SHISA9: variants seen among roughly 807,000 people sequenced by gnomAD.
SHISA9 encodes shisa family member 9.
Under a neutral mutation model 38.0 loss-of-function variants are expected in SHISA9, and 13 were observed. The ratio of observed to expected loss-of-function variants is 0.34; its 90% confidence interval spans 0.22 to 0.54. The LOEUF (loss-of-function observed/expected upper bound fraction) is 0.54, where lower values mean the gene tolerates loss of function less well. Ranked by LOEUF, SHISA9 falls within the 20% of genes least tolerant of loss-of-function variation. The pLI, the probability that SHISA9 is intolerant of heterozygous loss-of-function variation, is 0.91. For missense variants in SHISA9, 538 were observed against 575.8 expected (o/e 0.93, Z 0.67); for synonymous variants, 275 against 242.0 (o/e 1.14, Z -1.27).
At chr16:13,437,438 T>G in the SHISA9 span, among the ~76,000 whole-genome samples, 2 of 152,100 alleles carry the variant, frequency 1.3e-5, no homozygotes, top group African/African-American at 4.8e-5. Context: ...AAAAAGACAT[T>G]ATCAATATTC....
the SHISA9 span, among the ~76,000 whole-genome samples, chr16:13,295,937 C>T: frequency 1.3e-5 from 2 of 152,124 alleles, no homozygotes; most frequent in Non-Finnish European, 2.9e-5. Context: ...GGCAAGTCCT[C>T]GTGGGACAAA....
downstream of SHISA9, among the ~76,000 whole-genome samples, chr16:13,240,943 G>A (rs538416298): frequency 6.6e-6 from 1 of 151,864 alleles, no homozygotes; most frequent in Admixed American, 6.6e-5. Context: ...AGAATACTGG[G>A]AGGGGGTGGG....
chr16:13,478,213 A>T, the SHISA9 span, among the ~76,000 whole-genome samples: 1 of 152,220 alleles, frequency 6.6e-6, no homozygotes, highest in South Asian at 2.1e-4. Flanking sequence ...CATAAAAGAG[A>T]TCCTGAGTCA....
In SHISA9 at chr16:12,968,189, CAAAAAAAAAAAAAAAAAAA is replaced by C. The variant is rs200194973; in HGVS notation, c.691+51393_691+51411del. 1.2e-4 allele frequency among the ~76,000 whole-genome samples: 10 copies of C among 82,050 alleles called. No individual in the cohort carries two copies. The South Asian group carries it at 2.9e-3, about 24-fold the overall frequency. 53.8% of individuals were successfully genotyped at this position (82,050 alleles called of 152,430 possible). On this transcript the variant is annotated intron_variant, in intron 2 of 4. Transcript: ENST00000558583. Reference sequence around the variant, plus strand: ...TGGGTGACAGAGGAAGGCTCCATCTCAAAAAAAAAAAAAAAAAAAAAAAAAAAAAAAAAAAAATCCAGAG... The same window carrying C: ...TGGGTGACAGAGGAAGGCTCCATCTCAAAAAAAAAAAAAAAAAATCCAGAG...
chr16:13,222,782 GTGTGTGTA>G (rs377697499), intron 4 of SHISA9, among the ~76,000 whole-genome samples: 37,162 of 128,894 alleles, frequency 0.29, 5,397 homozygotes, highest in East Asian at 0.51. Context: ...TCCACAAGGT[GTGTGTGTA>G]TGTATATATA....
chr16:13,047,070 G>A (rs554210267), intron 2 of SHISA9, among the ~76,000 whole-genome samples: 7 of 152,138 alleles, frequency 4.6e-5, no homozygotes, highest in African/African-American at 1.2e-4. Context: ...AGTGGCCCTG[G>A]TTAGCAATTT....
intron 2 of SHISA9, among the ~76,000 whole-genome samples, chr16:13,066,517 T>A (rs2073436504): frequency 6.6e-6 from 1 of 152,224 alleles, no homozygotes. Flanking sequence ...GAGTGCCCAG[T>A]ACGTGCTAGG....
chr16:13,122,869 A>C (rs1316733158), intron 2 of SHISA9, among the ~76,000 whole-genome samples: 1 of 152,198 alleles, frequency 6.6e-6, no homozygotes, highest in Non-Finnish European at 1.5e-5. Flanking sequence ...CAACATGGCA[A>C]AACCTCATCC....
At chr16:13,350,971 A>G in the SHISA9 span, among the ~76,000 whole-genome samples, 2 of 152,230 alleles carry the variant, frequency 1.3e-5, no homozygotes, top group Admixed American at 1.3e-4. Flanking sequence ...CTTCCTAGAA[A>G]AAGCTTGCAG....
chr16:12,905,320 T>C (rs2071078453), intron 1 of SHISA9, among the ~76,000 whole-genome samples: 1 of 152,176 alleles, frequency 6.6e-6, no homozygotes, highest in African/African-American at 2.4e-5. Context: ...CTGGGACAGA[T>C]GTTTTCAGAT....
At chr16:13,395,125 AG>A in the SHISA9 span, among the ~76,000 whole-genome samples, 15 of 152,148 alleles carry the variant, frequency 9.9e-5, no homozygotes, top group African/African-American at 3.6e-4. Context: ...AGAGGTTGGC[AG>A]GTTTCATGAA....
chr16:13,144,428 G>T (rs1274439560), intron 2 of SHISA9, among the ~76,000 whole-genome samples: 1 of 152,008 alleles, frequency 6.6e-6, no homozygotes, highest in African/African-American at 2.4e-5. Flanking sequence ...TGGGATTACA[G>T]GTGTGAGCCA....
chr16:13,497,248 A>G, the SHISA9 span, among the ~76,000 whole-genome samples: 1 of 152,232 alleles, frequency 6.6e-6, no homozygotes, highest in Non-Finnish European at 1.5e-5. Flanking sequence ...CTGTCTAACA[A>G]ATAATTGTAT....
At position 13,105,132 on chromosome 16, in the gene SHISA9, G is replaced by A. The variant is rs199788913; in HGVS notation, c.692-98262G>A. ...ACTTAATATTGATATACTATTATACGCTCAATAAAAGTTAATTTCTGTTAT... is the reference window on the plus strand; with the variant it reads ...ACTTAATATTGATATACTATTATACACTCAATAAAAGTTAATTTCTGTTAT... On this transcript the variant is annotated intron_variant, in intron 2 of 4. Coordinates refer to ENST00000558583, the MANE Select transcript of SHISA9 (RefSeq NM_001145204.3). Among the ~76,000 whole-genome samples, 10 of 152,158 alleles carry A rather than the reference G, an allele frequency of 6.6e-5. No homozygotes were observed. The East Asian group carries it at 1.2e-3, about 18-fold the overall frequency.
At chr16:13,265,516 T>A in the SHISA9 span, among the ~76,000 whole-genome samples, 1 of 109,798 alleles carries the variant, frequency 9.1e-6, no homozygotes, top group Admixed American at 1.0e-4. Context: ...CCTCTTCCCT[T>A]CCCTTCTTTT....
downstream of SHISA9, among the ~76,000 whole-genome samples, chr16:13,244,833 C>T (rs780325648): frequency 1.7e-4 from 26 of 152,182 alleles, no homozygotes; most frequent in African/African-American, 5.8e-4. Context: ...GCTACATTTG[C>T]GATGTGATAC....
intron 2 of SHISA9, among the ~76,000 whole-genome samples, chr16:12,974,642 T>C (rs1224116341): frequency 1.3e-5 from 2 of 151,938 alleles, no homozygotes; most frequent in African/African-American, 4.8e-5. Context: ...CCCACCACCA[T>C]GCCCAGCTAA....
chr16:13,541,094 C>A, the SHISA9 span, among the ~76,000 whole-genome samples: 1 of 152,146 alleles, frequency 6.6e-6, no homozygotes, highest in Non-Finnish European at 1.5e-5. Flanking sequence ...TGTTATTTTT[C>A]TGTATTGTAA....
At chr16:13,344,664 C>A in the SHISA9 span, among the ~76,000 whole-genome samples, 1 of 152,068 alleles carries the variant, frequency 6.6e-6, no homozygotes, top group Non-Finnish European at 1.5e-5. Context: ...GAGTTCACAC[C>A]ATTTGCCAGG....
Sources: allele counts gnomAD v4.1 joint callset (sites outside exome capture counted in the v4.1 genomes callset), GRCh38; gene constraint gnomAD v4.1.1; transcripts MANE v1.5; gene names NCBI Gene and HGNC (gene_info 2026-07-23, HGNC 2026-07-21).